GABRB1: variants seen among roughly 807,000 people sequenced by gnomAD.
GABRB1 encodes gamma-aminobutyric acid type A receptor subunit beta1.
A neutral mutation model predicts 51.6 loss-of-function variants in GABRB1; 17 were observed. That is an observed-to-expected ratio of 0.33 (90% CI 0.23 to 0.49). The LOEUF (loss-of-function observed/expected upper bound fraction) is 0.49, where lower values mean the gene tolerates loss of function less well. Among genes scored for constraint, GABRB1 ranks in the 20% least tolerant of loss-of-function variants. The pLI, the probability that GABRB1 is intolerant of heterozygous loss-of-function variation, is 0.99. For synonymous variants in GABRB1, 247 were observed against 218.9 expected (o/e 1.13, Z -1.14); for missense variants, 410 against 600.6 (o/e 0.68, Z 3.32).
chr4:47,374,431 A>G (rs571427387), intron 5 of GABRB1, among the ~76,000 whole-genome samples: 14 of 152,218 alleles, frequency 9.2e-5, no homozygotes, highest in Non-Finnish European at 1.8e-4. Context: ...GCAAGCTGAC[A>G]GGAAACTGAA....
At chr4:47,195,452 TAGATTA>T (rs1719637485) in intron 4 of GABRB1, among the ~76,000 whole-genome samples, 4 of 96,592 alleles carry the variant, frequency 4.1e-5, no homozygotes, top group Admixed American at 1.1e-4. Flanking sequence ...AGATGATAGA[TAGATTA>T]GATGATAGAT....
chr4:47,060,668 T>A (rs1726810575), intron 3 of GABRB1, among the ~76,000 whole-genome samples: 1 of 152,210 alleles, frequency 6.6e-6, no homozygotes, highest in African/African-American at 2.4e-5. Flanking sequence ...CTTGTGAATA[T>A]TCCACTTCAA....
intron 5 of GABRB1, among the ~76,000 whole-genome samples, chr4:47,387,237 G>T (rs1247486652): frequency 6.6e-6 from 1 of 152,200 alleles, no homozygotes; most frequent in African/African-American, 2.4e-5. Context: ...CAAGACGGGT[G>T]GATCACCTGA....
intron 1 of GABRB1, among the ~76,000 whole-genome samples, chr4:47,000,283 T>C (rs1724138970): frequency 6.6e-6 from 1 of 152,234 alleles, no homozygotes; most frequent in Non-Finnish European, 1.5e-5. Flanking sequence ...AATGGGTATC[T>C]GTGGCAGAAA....
intron 1 of GABRB1, among the ~76,000 whole-genome samples, chr4:47,008,603 C>G (rs1724482193): frequency 6.7e-6 from 1 of 149,248 alleles, no homozygotes; most frequent in African/African-American, 2.5e-5. Context: ...GCTGGGATTA[C>G]AGGCTCCCGC....
At chr4:47,381,993 C>G (rs1416785054) in intron 5 of GABRB1, among the ~76,000 whole-genome samples, 1 of 152,158 alleles carries the variant, frequency 6.6e-6, no homozygotes, top group Admixed American at 6.5e-5. Flanking sequence ...ATTGTCTAGG[C>G]TGGGGGTAGG....
chr4:47,342,761 A>G (rs1050677774), intron 5 of GABRB1, among the ~76,000 whole-genome samples: 3 of 152,162 alleles, frequency 2.0e-5, no homozygotes, highest in Non-Finnish European at 4.4e-5. Flanking sequence ...ACACCAAAGT[A>G]CAATTCATAA....
chr4:47,269,935 T>TACACACACAC (rs10639386), intron 4 of GABRB1, among the ~76,000 whole-genome samples: 27,861 of 135,806 alleles, frequency 0.21, 3,441 homozygotes, highest in Middle Eastern at 0.31. Flanking sequence ...CAACTCTCCC[T>TACACACACAC]ACACACACAC....
In GABRB1 at chr4:47,175,173, C is replaced by T. The variant is rs113593720; in HGVS notation, c.461+13704C>T. Among the ~76,000 whole-genome samples, 163 of 144,320 alleles carry T rather than the reference C, an allele frequency of 1.1e-3. 1 individual carries two copies. The highest frequency in any genetic ancestry group is 2.0e-3 in the Non-Finnish European group (129 of 66,136). 94.7% of individuals were successfully genotyped at this position (144,320 alleles called of 152,430 possible). On this transcript the variant is annotated intron_variant, in intron 4 of 8. Coordinates refer to ENST00000295454, the MANE Select transcript of GABRB1 (RefSeq NM_000812.4). Reference sequence around the variant, plus strand: ...TCTCTTTTCTTCTTTCTTTATCTTTCTTTCTTTTCTTTCTCTCTCTCTCTT... The same window carrying T: ...TCTCTTTTCTTCTTTCTTTATCTTTTTTTCTTTTCTTTCTCTCTCTCTCTT...
At chr4:47,307,809 A>C (rs1230236370) in intron 4 of GABRB1, among the ~76,000 whole-genome samples, 1 of 151,970 alleles carries the variant, frequency 6.6e-6, no homozygotes, top group Non-Finnish European at 1.5e-5. Context: ...AATAGTTTCA[A>C]ATTCAGCTTG....
intron 3 of GABRB1, among the ~76,000 whole-genome samples, chr4:47,099,190 C>A (rs778855389): frequency 2.0e-4 from 31 of 152,050 alleles, no homozygotes; most frequent in Non-Finnish European, 4.3e-4. Context: ...CAGAGCAGTG[C>A]TTCTCAAATA....
intron 3 of GABRB1, among the ~76,000 whole-genome samples, chr4:47,149,818 T>C (rs1187366849): frequency 2.0e-5 from 3 of 152,022 alleles, no homozygotes; most frequent in Non-Finnish European, 2.9e-5. Context: ...TCTTTTTTTC[T>C]CATTATGAAG....
intron 5 of GABRB1, among the ~76,000 whole-genome samples, chr4:47,390,104 A>C (rs905638760): frequency 2.6e-5 from 4 of 152,244 alleles, no homozygotes; most frequent in African/African-American, 9.6e-5. Context: ...ATTGAAGAAA[A>C]GTTCTAGGTT....
intron 5 of GABRB1, among the ~76,000 whole-genome samples, chr4:47,334,769 A>G (rs1725631289): frequency 1.3e-5 from 2 of 152,186 alleles, no homozygotes. Flanking sequence ...TATTTAAACT[A>G]TTCTTGATGT....
intron 3 of GABRB1, among the ~76,000 whole-genome samples, chr4:47,134,583 T>C (rs1368973813): frequency 1.3e-5 from 2 of 152,220 alleles, no homozygotes; most frequent in Admixed American, 6.5e-5. Flanking sequence ...ATTATTTTCA[T>C]AGGTAAATAC....
In GABRB1 at chr4:47,155,916, C is replaced by CATATATATATATATATATATATATATAT. The variant is rs10525795; in HGVS notation, c.241-5330_241-5303dup. Among the ~76,000 whole-genome samples the CATATATATATATATATATATATATATAT allele has an allele frequency of 3.0e-4, 22 of 73,618 alleles. 1 individual carries two copies. The highest frequency in any genetic ancestry group is 4.6e-4 in the Non-Finnish European group (15 of 32,336). The allele number at this position is 73,618 out of a possible 152,430, so 48.3% of individuals were successfully genotyped here. A position where few individuals can be genotyped will look rare whatever the true frequency, so the allele number is the denominator to read the frequency against. On this transcript the variant is annotated intron_variant, in intron 3 of 8. Coordinates refer to ENST00000295454, the MANE Select transcript of GABRB1 (RefSeq NM_000812.4). ...TACTCATACTAAAAAGAGGTATTTT[C>CATATATATATATATATATATATATATAT]ATATATATATATATATATATATATA...
At chr4:47,369,144 A>T (rs1727096798) in intron 5 of GABRB1, among the ~76,000 whole-genome samples, 1 of 152,158 alleles carries the variant, frequency 6.6e-6, no homozygotes. Flanking sequence ...TGCTCTTTGT[A>T]TTAAAACAAA....
intron 4 of GABRB1, among the ~76,000 whole-genome samples, chr4:47,279,083 A>AATGGATGG (rs34567848): frequency 0.026 from 3,829 of 147,366 alleles, 77 homozygotes; most frequent in Middle Eastern, 0.059. Context: ...CTTTCTTAGG[A>AATGGATGG]ATGGATGGAT....
At chr4:47,328,242 T>C (rs1355365424) in intron 5 of GABRB1, among the ~76,000 whole-genome samples, 1 of 152,130 alleles carries the variant, frequency 6.6e-6, no homozygotes, top group Non-Finnish European at 1.5e-5. Flanking sequence ...ATTTCAAAAA[T>C]TTTCTCCCAT....
Sources: allele counts gnomAD v4.1 joint callset (sites outside exome capture counted in the v4.1 genomes callset), GRCh38; gene constraint gnomAD v4.1.1; transcripts MANE v1.5; gene names NCBI Gene and HGNC (gene_info 2026-07-23, HGNC 2026-07-21).